Variants in NKAIN2 observed in about 807,000 individuals in gnomAD.
NKAIN2 encodes the protein sodium/potassium transporting ATPase interacting 2.
In NKAIN2, 14 loss-of-function variants were observed where a neutral mutation model predicts 32.6. That is an observed-to-expected ratio of 0.43 (90% CI 0.28 to 0.67). The LOEUF (loss-of-function observed/expected upper bound fraction) is 0.67, where lower values mean the gene tolerates loss of function less well. Among genes scored for constraint, NKAIN2 ranks in the 30% least tolerant of loss-of-function variants. The probability of loss-of-function intolerance (pLI) is 0.17; values close to 1 mark genes in which losing one functional copy is unlikely to be tolerated. For synonymous variants in NKAIN2, 80 were observed against 87.2 expected (o/e 0.92, Z 0.46); for missense variants, 198 against 258.3 (o/e 0.77, Z 1.60).
chr6:124,278,669 A>G (rs976989584), intron 1 of NKAIN2, among the ~76,000 whole-genome samples: 2 of 120,826 alleles, frequency 1.7e-5, no homozygotes, highest in Middle Eastern at 4.4e-3. Context: ...ATATATATAT[A>G]TATATATATA....
chr6:124,258,239 A>G lies in NKAIN2; in HGVS notation c.55-24766A>G, dbSNP rs141592602. On this transcript the variant is annotated intron_variant, in intron 1 of 6. Coordinates refer to ENST00000368417, the MANE Select transcript of NKAIN2 (RefSeq NM_001040214.3). Reference sequence around the variant, plus strand: ...AAGCTGGGACTGGAATCCAGGCAGCATGGTTCCAAAGCCTGCACTCACACA... The same window carrying G: ...AAGCTGGGACTGGAATCCAGGCAGCGTGGTTCCAAAGCCTGCACTCACACA... Among the ~76,000 whole-genome samples the G allele has an allele frequency of 5.5e-3, 832 of 152,126 alleles. 9 individuals are homozygous for G. Among genetic ancestry groups the G allele is most frequent in the African/African-American group, 0.019 (786 of 41,558 alleles).
chr6:124,373,416 AAGC>A (rs1799853769), intron 3 of NKAIN2, among the ~76,000 whole-genome samples: 1 of 152,082 alleles, frequency 6.6e-6, no homozygotes, highest in Non-Finnish European at 1.5e-5. Context: ...TAGACATCTC[AAGC>A]AGTGTTGTCA....
intron 3 of NKAIN2, among the ~76,000 whole-genome samples, chr6:124,433,704 A>T (rs1775313511): frequency 6.6e-6 from 1 of 152,070 alleles, no homozygotes; most frequent in Non-Finnish European, 1.5e-5. Flanking sequence ...CGGCACTATT[A>T]TTCTATCAAC....
chr6:124,345,391 T>G (rs1015830690), intron 2 of NKAIN2, among the ~76,000 whole-genome samples: 9 of 152,314 alleles, frequency 5.9e-5, no homozygotes, highest in African/African-American at 2.2e-4. Flanking sequence ...TTGTTTGGAA[T>G]TGTTTCAGAA....
At chr6:124,349,644 CT>C (rs770907383) in intron 2 of NKAIN2, among the ~76,000 whole-genome samples, 4 of 152,258 alleles carry the variant, frequency 2.6e-5, no homozygotes. Flanking sequence ...GACTCACCTC[CT>C]TTTCTAATTA....
chr6:124,094,510 G>C (rs1784569184), intron 1 of NKAIN2, among the ~76,000 whole-genome samples: 1 of 152,066 alleles, frequency 6.6e-6, no homozygotes, highest in Non-Finnish European at 1.5e-5. Flanking sequence ...GCTTTTCTTT[G>C]TTCTTTATTA....
At chr6:124,672,232 G>A (rs536827751) in intron 4 of NKAIN2, among the ~76,000 whole-genome samples, 8 of 152,100 alleles carry the variant, frequency 5.3e-5, no homozygotes, top group South Asian at 4.1e-4. Flanking sequence ...CTTGTGAGCC[G>A]GGAAGCAAAG....
intron 4 of NKAIN2, among the ~76,000 whole-genome samples, chr6:124,680,463 G>T (rs545967442): frequency 7.2e-5 from 11 of 152,156 alleles, no homozygotes; most frequent in African/African-American, 1.9e-4. Context: ...GTTTACCTGA[G>T]AATAAATGTT....
chr6:123,870,390 CCT>C (rs777948553), intron 1 of NKAIN2, among the ~76,000 whole-genome samples: 1 of 151,912 alleles, frequency 6.6e-6, no homozygotes, highest in Non-Finnish European at 1.5e-5. Context: ...TGTTCAAAGA[CCT>C]GAAGAAGTAG....
At chr6:124,007,843 T>C (rs1319289687) in intron 1 of NKAIN2, among the ~76,000 whole-genome samples, 2 of 152,158 alleles carry the variant, frequency 1.3e-5, no homozygotes, top group Non-Finnish European at 2.9e-5. Context: ...ATTTATTCCT[T>C]TTCAGGAATG....
intron 1 of NKAIN2, among the ~76,000 whole-genome samples, chr6:124,080,966 A>G (rs746579848): frequency 6.6e-5 from 10 of 152,150 alleles, no homozygotes; most frequent in African/African-American, 9.7e-5. Flanking sequence ...AAATCCCACC[A>G]TAGTAATAAA....
At chr6:124,634,117 A>G (rs1783681056) in intron 3 of NKAIN2, among the ~76,000 whole-genome samples, 1 of 152,028 alleles carries the variant, frequency 6.6e-6, no homozygotes, top group Admixed American at 6.6e-5. Context: ...AATTTCCTAG[A>G]AAAGGTTCTC....
intron 1 of NKAIN2, among the ~76,000 whole-genome samples, chr6:124,162,065 CT>C (rs1298662970): frequency 6.6e-6 from 1 of 152,050 alleles, no homozygotes; most frequent in African/African-American, 2.4e-5. Context: ...TCTAAGTTTT[CT>C]TTTATTTCTG....
chr6:124,407,261 T>G (rs1773903768), intron 3 of NKAIN2, among the ~76,000 whole-genome samples: 1 of 152,128 alleles, frequency 6.6e-6, no homozygotes, highest in African/African-American at 2.4e-5. Flanking sequence ...TTGTTACATA[T>G]GTATACATGT....
intron 3 of NKAIN2, among the ~76,000 whole-genome samples, chr6:124,494,742 C>T (rs1227580413): frequency 6.6e-6 from 1 of 151,974 alleles, no homozygotes; most frequent in Non-Finnish European, 1.5e-5. Context: ...ATTTGATTGC[C>T]ACCTCAGTGT....
At chr6:124,367,331 G>A (rs995511709) in intron 3 of NKAIN2, among the ~76,000 whole-genome samples, 1 of 152,090 alleles carries the variant, frequency 6.6e-6, no homozygotes, top group Non-Finnish European at 1.5e-5. Context: ...ATGCTCACTG[G>A]AATGAAATCA....
chr6:123,909,593 G>A (rs935650463), intron 1 of NKAIN2, among the ~76,000 whole-genome samples: 2 of 152,138 alleles, frequency 1.3e-5, no homozygotes, highest in East Asian at 3.9e-4. Flanking sequence ...TCTACCTAGA[G>A]CATTCTTCCC....
intron 3 of NKAIN2, among the ~76,000 whole-genome samples, chr6:124,506,024 TA>T (rs1016613414): frequency 6.6e-6 from 1 of 151,328 alleles, no homozygotes; most frequent in African/African-American, 2.4e-5. Context: ...ATACAAAAAA[TA>T]AAAAAAATTA....
At chr6:124,161,588 G>T (rs2114450443) in intron 1 of NKAIN2, among the ~76,000 whole-genome samples, 1 of 152,202 alleles carries the variant, frequency 6.6e-6, no homozygotes, top group South Asian at 2.1e-4. Flanking sequence ...TCCTTTATAA[G>T]TTGACACCTA....
Sources: allele counts gnomAD v4.1 joint callset (sites outside exome capture counted in the v4.1 genomes callset), GRCh38; gene constraint gnomAD v4.1.1; transcripts MANE v1.5; gene names NCBI Gene and HGNC (gene_info 2026-07-23, HGNC 2026-07-21).